PDZRN4: variants seen among roughly 807,000 people sequenced by gnomAD.
PDZRN4 encodes the protein PDZ domain containing ring finger 4, also known as PDZ domain-containing RING finger protein 4.
PDZRN4 carries 70 observed loss-of-function variants against 99.0 expected under a neutral mutation model. The observed-to-expected ratio is 0.71, with a 90% CI of 0.58 to 0.86. The LOEUF (loss-of-function observed/expected upper bound fraction) is 0.86, where lower values mean the gene tolerates loss of function less well. Among genes scored for constraint, PDZRN4 ranks in the 40% least tolerant of loss-of-function variants. The probability of loss-of-function intolerance (pLI) is 0.00; values close to 1 mark genes in which losing one functional copy is unlikely to be tolerated. For missense variants in PDZRN4, 1,474 were observed against 1,331.2 expected, an observed-to-expected ratio of 1.11 and a Z score of -1.67; for synonymous variants, 551 against 501.6, an observed-to-expected ratio of 1.10 and a Z score of -1.32.
chr12:41,235,136 A>T (rs1488782406), intron 3 of PDZRN4, among the ~76,000 whole-genome samples: 1 of 152,166 alleles, frequency 6.6e-6, no homozygotes, highest in Non-Finnish European at 1.5e-5. Context: ...GAATTAAAGA[A>T]TACTGGTTTG....
rs1939510403 is a variant in PDZRN4 at position 41,572,996 on chromosome 12, C to T, written c.2217C>T (p.Tyr739=). ...EKSDKDSSSA[Y]NTAESCRSTP... Reference sequence around the variant, plus strand: ...CTGACAAGGACAGTTCTAGTGCTTACAACACAGCTGAGAGCTGCAGAAGTA... The same window carrying T: ...CTGACAAGGACAGTTCTAGTGCTTATAACACAGCTGAGAGCTGCAGAAGTA... The change falls in exon 10 of 10, where the codon TAC becomes TAT. Residue 739 remains tyrosine, a synonymous_variant. Coordinates refer to ENST00000402685, the MANE Select transcript of PDZRN4 (RefSeq NM_001164595.2). 2 of 1,614,022 alleles carry T rather than the reference C, an allele frequency of 1.2e-6. No individual in the cohort carries two copies. Among genetic ancestry groups the T allele is most frequent in the African/African-American group, 2.7e-5 (2 of 74,918 alleles).
chr12:41,260,970 A>G (rs907439897), intron 3 of PDZRN4, among the ~76,000 whole-genome samples: 4 of 152,188 alleles, frequency 2.6e-5, no homozygotes, highest in Non-Finnish European at 5.9e-5. Context: ...ATCAAATTCC[A>G]TGATTTATCT....
At chr12:41,436,668 C>T (rs558965365) in intron 3 of PDZRN4, among the ~76,000 whole-genome samples, 42 of 152,252 alleles carry the variant, frequency 2.8e-4, no homozygotes, top group African/African-American at 9.9e-4. Flanking sequence ...TTATTATCTG[C>T]TTTAGCTGTT....
intron 3 of PDZRN4, among the ~76,000 whole-genome samples, chr12:41,261,372 A>C (rs1951238563): frequency 6.6e-6 from 1 of 152,254 alleles, no homozygotes; most frequent in African/African-American, 2.4e-5. Context: ...GAAATCTAAT[A>C]ACTTGTGATA....
chr12:41,309,733 G>A (rs1171615075), intron 3 of PDZRN4, among the ~76,000 whole-genome samples: 1 of 151,450 alleles, frequency 6.6e-6, no homozygotes, highest in Non-Finnish European at 1.5e-5. Context: ...AGAAAATGAG[G>A]CAAAGCTAGC....
At chr12:41,545,069 C>T (rs1458966776) in intron 5 of PDZRN4, among the ~76,000 whole-genome samples, 1 of 152,242 alleles carries the variant, frequency 6.6e-6, no homozygotes, top group African/African-American at 2.4e-5. Context: ...ATCCCTCCAA[C>T]TCACCCACTA....
intron 3 of PDZRN4, among the ~76,000 whole-genome samples, chr12:41,320,758 C>A (rs556656591): frequency 6.6e-6 from 1 of 152,174 alleles, no homozygotes; most frequent in East Asian, 1.9e-4. Context: ...AAAATCTCAT[C>A]TCTCCTTTTG....
At chr12:41,233,012 T>C (rs1436855172) in intron 3 of PDZRN4, among the ~76,000 whole-genome samples, 1 of 152,150 alleles carries the variant, frequency 6.6e-6, no homozygotes, top group African/African-American at 2.4e-5. Flanking sequence ...GGCTCTGTTC[T>C]GTTCCATTGG....
chr12:41,428,297 T>C (rs1952555502), intron 3 of PDZRN4, among the ~76,000 whole-genome samples: 1 of 152,226 alleles, frequency 6.6e-6, no homozygotes, highest in Non-Finnish European at 1.5e-5. Context: ...CCTGTGTTAA[T>C]TTCCTGTGTT....
chr12:41,385,972 C>T (rs1388609324), intron 3 of PDZRN4, among the ~76,000 whole-genome samples: 1 of 152,198 alleles, frequency 6.6e-6, no homozygotes, highest in Non-Finnish European at 1.5e-5. Context: ...CTACCACAAT[C>T]AAGTAGGCTT....
chr12:41,481,604 G>A (rs1937675365), intron 3 of PDZRN4, among the ~76,000 whole-genome samples: 1 of 152,000 alleles, frequency 6.6e-6, no homozygotes. Context: ...TTGAAAACAT[G>A]TTCCTTAAAC....
intron 3 of PDZRN4, among the ~76,000 whole-genome samples, chr12:41,296,758 G>T (rs541061899): frequency 6.6e-6 from 1 of 152,054 alleles, no homozygotes. Flanking sequence ...TCAGGAATTC[G>T]AAACCAGCCT....
intron 5 of PDZRN4, among the ~76,000 whole-genome samples, chr12:41,521,442 T>C (rs988578849): frequency 2.6e-5 from 4 of 152,114 alleles, no homozygotes; most frequent in Non-Finnish European, 5.9e-5. Context: ...AATAGAGTTC[T>C]TTAGTAATCA....
chr12:41,489,423 C>T (rs1429427391), intron 3 of PDZRN4, among the ~76,000 whole-genome samples: 1 of 152,104 alleles, frequency 6.6e-6, no homozygotes, highest in Non-Finnish European at 1.5e-5. Flanking sequence ...CAATATTCAA[C>T]AAGAAGTTCA....
chr12:41,330,246 G>A lies in PDZRN4; in HGVS notation c.843+136058G>A, dbSNP rs76364873. On this transcript the variant is annotated intron_variant, in intron 3 of 9. Transcript: ENST00000402685. ...AACCATTGATAACCCATGTTGCAGAGCTCACGAGTTGTCCTTGATCAAACT... is the reference window on the plus strand; with the variant it reads ...AACCATTGATAACCCATGTTGCAGAACTCACGAGTTGTCCTTGATCAAACT... Among the ~76,000 whole-genome samples, 582 of 152,148 alleles carry A rather than the reference G, an allele frequency of 3.8e-3. 19 individuals carry two copies. In the East Asian group the frequency reaches 0.09, roughly 24 times the overall value.
rs535503573 is a variant in PDZRN4, at chr12:41,405,254, C to CA, written c.844-101195dup. On this transcript the variant is annotated intron_variant, in intron 3 of 9. Transcript: ENST00000402685. ...TCGATAATGAACTTAATTCAACAAG[C>CA]AAAAAAACAACCATATTAAAAAATG... Among the ~76,000 whole-genome samples, 106 of 151,594 alleles carry CA rather than the reference C, an allele frequency of 7.0e-4. 3 individuals are homozygous for CA. The highest frequency in any genetic ancestry group is 2.0e-3 in the African/African-American group (83 of 41,380).
rs536300825 is a variant in PDZRN4 at position 41,423,252 on chromosome 12, T to C, written c.844-83204T>C. 3.9e-4 allele frequency among the ~76,000 whole-genome samples: 59 copies of C among 152,190 alleles called. 1 individual carries two copies. In the South Asian group the frequency reaches 0.012, roughly 31 times the overall value. ...TGGTGGTTTGCTGCACCCATCAACC[T>C]GTCATCTACATTAGGTATTTCTCCT... is the stretch of plus-strand genomic sequence containing the variant. On this transcript the variant is annotated intron_variant, in intron 3 of 9. Transcript: ENST00000402685.
intron 3 of PDZRN4, among the ~76,000 whole-genome samples, chr12:41,425,285 G>A (rs1039364482): frequency 1.3e-5 from 2 of 151,410 alleles, no homozygotes; most frequent in African/African-American, 4.8e-5. Flanking sequence ...CACAAGTGAG[G>A]AAACAAGCTG....
intron 3 of PDZRN4, among the ~76,000 whole-genome samples, chr12:41,491,109 C>T (rs757215214): frequency 4.6e-5 from 7 of 152,122 alleles, no homozygotes; most frequent in Non-Finnish European, 7.4e-5. Context: ...TTAAATTACA[C>T]GTACATACTG....
Sources: gnomAD v4.1 joint callset for allele counts (sites outside exome capture counted in the v4.1 genomes callset) on GRCh38, gnomAD v4.1.1 for gene constraint, MANE v1.5 for transcripts, NCBI Gene and HGNC (gene_info 2026-07-23, HGNC 2026-07-21) for gene names.